Variants in AOPEP observed in about 807,000 individuals in gnomAD.
AOPEP encodes the protein aminopeptidase O.
AOPEP carries 77 observed loss-of-function variants against 98.1 expected under a neutral mutation model. That is an observed-to-expected ratio of 0.78 (90% confidence interval 0.65 to 0.95). The LOEUF is 0.95. Among genes scored for constraint, AOPEP ranks in the 40% least tolerant of loss-of-function variants. The pLI is 0.00. For missense variants in AOPEP, 1,024 were observed against 1,024.7 expected, an observed-to-expected ratio of 1.00 and a Z score of 0.01; for synonymous variants, 346 against 365.3, an observed-to-expected ratio of 0.95 and a Z score of 0.60.
intron 9 of AOPEP, among the ~76,000 whole-genome samples, chr9:94,958,973 C>T (rs530706066): frequency 6.7e-6 from 1 of 148,366 alleles, no homozygotes; most frequent in East Asian, 1.9e-4. Flanking sequence ...CAAAGATTCA[C>T]TCCTATGTTT....
intron 13 of AOPEP, among the ~76,000 whole-genome samples, chr9:95,028,277 T>A (rs1346324078): frequency 6.6e-6 from 1 of 152,246 alleles, no homozygotes; most frequent in African/African-American, 2.4e-5. Context: ...CAGTTTGTTA[T>A]AAAGGAACGG....
intron 11 of AOPEP, among the ~76,000 whole-genome samples, chr9:95,002,429 C>G (rs1473064363): frequency 6.6e-6 from 1 of 151,876 alleles, no homozygotes; most frequent in Non-Finnish European, 1.5e-5. Context: ...TTTAAAAGAG[C>G]TATAATAACT....
intron 2 of AOPEP, among the ~76,000 whole-genome samples, chr9:94,771,394 G>A (rs893653850): frequency 6.6e-6 from 1 of 152,142 alleles, no homozygotes; most frequent in Non-Finnish European, 1.5e-5. Flanking sequence ...GGCAACCCAG[G>A]TGGTACAAAG....
At chr9:94,901,112 C>T (rs1315031324) in intron 5 of AOPEP, among the ~76,000 whole-genome samples, 3 of 151,252 alleles carry the variant, frequency 2.0e-5, no homozygotes, top group Admixed American at 6.6e-5. Context: ...GTAAGTGGTT[C>T]GGTGGGAGAC....
chr9:95,076,008 A>C (rs2069022440), intron 14 of AOPEP, among the ~76,000 whole-genome samples: 1 of 152,258 alleles, frequency 6.6e-6, no homozygotes, highest in Non-Finnish European at 1.5e-5. Flanking sequence ...TCTGTTCCAG[A>C]AATAGCCTCA....
At chr9:94,849,323 A>G (rs114108329) in intron 5 of AOPEP, among the ~76,000 whole-genome samples, 5,777 of 152,228 alleles carry the variant, frequency 0.038, 350 homozygotes, top group African/African-American at 0.13. Context: ...AAATGAGATA[A>G]TGTATGTAAG....
At chr9:94,902,425 A>G (rs890794577) in intron 5 of AOPEP, among the ~76,000 whole-genome samples, 6 of 152,262 alleles carry the variant, frequency 3.9e-5, no homozygotes, top group East Asian at 3.9e-4. Flanking sequence ...ATCTCCCCCA[A>G]TACCACACCC....
intron 13 of AOPEP, among the ~76,000 whole-genome samples, chr9:95,050,058 A>G (rs4743982): frequency 0.78 from 119,431 of 152,198 alleles, 48,377 homozygotes; most frequent in Non-Finnish European, 0.89. Context: ...ACGTTTTGCC[A>G]TAAAAGAACA....
intron 11 of AOPEP, among the ~76,000 whole-genome samples, chr9:94,985,470 A>T (rs545000158): frequency 2.0e-5 from 3 of 152,346 alleles, no homozygotes; most frequent in South Asian, 2.1e-4. Flanking sequence ...AGCTGGTTTT[A>T]TAGGGGAATG....
At chr9:94,834,804 GCATGCATGCATACATA>G (rs1034629558) in intron 5 of AOPEP, among the ~76,000 whole-genome samples, 2 of 141,736 alleles carry the variant, frequency 1.4e-5, no homozygotes, top group Non-Finnish European at 3.0e-5. Context: ...ATGCATGCAT[GCATGCATGCATACATA>G]CATACATACA....
the AOPEP span, chr9:95,100,648 T>A: frequency 4.4e-6 from 1 of 229,670 alleles, no homozygotes; most frequent in Non-Finnish European, 8.6e-6. Flanking sequence ...TGCCTTTTTT[T>A]AAGAGATGGT....
intron 3 of AOPEP, among the ~76,000 whole-genome samples, chr9:94,791,665 A>G (rs1419107405): frequency 7.2e-5 from 11 of 152,142 alleles, no homozygotes; most frequent in Non-Finnish European, 1.6e-4. Context: ...AACCTGGGCA[A>G]CAGAGCGCGA....
intron 5 of AOPEP, among the ~76,000 whole-genome samples, chr9:94,815,713 T>C (rs1224213536): frequency 6.6e-6 from 1 of 152,200 alleles, no homozygotes; most frequent in East Asian, 1.9e-4. Flanking sequence ...GCCTGCACGG[T>C]TGCTGTTAGG....
chr9:94,789,286 A>G (rs975340248), intron 3 of AOPEP, among the ~76,000 whole-genome samples: 1 of 152,154 alleles, frequency 6.6e-6, no homozygotes. Flanking sequence ...TCATACAGTT[A>G]AACCTCTCTT....
chr9:95,106,113 G>GC, the AOPEP span, among the ~76,000 whole-genome samples: 3 of 152,062 alleles, frequency 2.0e-5, no homozygotes, highest in Non-Finnish European at 2.9e-5. Context: ...CGGTTCCCAC[G>GC]CATCCTCACG....
rs1205721060 is a variant in AOPEP at position 95,015,516 on chromosome 9, G to A, written c.2115+9900G>A. Among the ~76,000 whole-genome samples, 6 of 152,204 alleles carry A rather than the reference G, an allele frequency of 3.9e-5. No homozygotes were observed. The East Asian group carries it at 1.2e-3, about 29-fold the overall frequency. On this transcript the variant is annotated intron_variant, in intron 13 of 16. Coordinates refer to ENST00000375315, the MANE Select transcript of AOPEP (RefSeq NM_001193329.3). ...TACAAAACCCTGAGTCAGGAGTAGA[G>A]AATACTGAGATGAATAGAATAGTTT...
At chr9:95,043,261 CATATATATCTGT>C (rs1564564501) in intron 13 of AOPEP, among the ~76,000 whole-genome samples, 4 of 147,812 alleles carry the variant, frequency 2.7e-5, no homozygotes, top group Non-Finnish European at 1.5e-5. Context: ...TATATATATA[CATATATATCTGT>C]ATATATGTAC....
chr9:95,006,544 G>C (rs1476188176), intron 13 of AOPEP, among the ~76,000 whole-genome samples: 1 of 152,132 alleles, frequency 6.6e-6, no homozygotes, highest in East Asian at 1.9e-4. Context: ...GAGCTGCAGA[G>C]TGCACGTCAG....
chr9:94,844,206 C>A (rs2042586713), intron 5 of AOPEP, among the ~76,000 whole-genome samples: 1 of 152,124 alleles, frequency 6.6e-6, no homozygotes, highest in South Asian at 2.1e-4. Flanking sequence ...CAGGCACTCA[C>A]CACCATGCCC....
Sources: gnomAD v4.1 joint callset for allele counts (sites outside exome capture counted in the v4.1 genomes callset) on GRCh38, gnomAD v4.1.1 for gene constraint, MANE v1.5 for transcripts, NCBI Gene and HGNC (gene_info 2026-07-23, HGNC 2026-07-21) for gene names.